C12orf42: variants seen among roughly 807,000 people sequenced by gnomAD.
C12orf42 encodes uncharacterized protein C12orf42.
Under a neutral mutation model 21.6 loss-of-function variants are expected in C12orf42, and 25 were observed. That is an observed-to-expected ratio of 1.16 (90% CI 0.84 to 1.62). The LOEUF is 1.62. Ranked by LOEUF, C12orf42 falls within the 40% of genes most tolerant of loss-of-function variation. C12orf42 has a pLI of 0.00. For missense variants in C12orf42, 483 were observed against 459.3 expected (o/e 1.05, Z -0.47); for synonymous variants, 174 against 175.0 (o/e 0.99, Z 0.05).
intron 2 of C12orf42, among the ~76,000 whole-genome samples, chr12:103,434,786 T>A (rs1443001037): frequency 1.3e-5 from 2 of 152,228 alleles, no homozygotes; most frequent in Non-Finnish European, 2.9e-5. Context: ...AGCACAGCAG[T>A]CTGAGATCAA....
intron 4 of C12orf42, among the ~76,000 whole-genome samples, chr12:103,324,174 G>T (rs1488603067): frequency 1.3e-5 from 2 of 151,950 alleles, no homozygotes; most frequent in Non-Finnish European, 2.9e-5. Context: ...ATCATTTTTA[G>T]ATTTATGTTT....
chr12:103,302,305 T>C lies in C12orf42; in HGVS notation c.886A>G (p.Arg296Gly), dbSNP rs537952948. 1 of 1,613,784 alleles carries C rather than the reference T, an allele frequency of 6.2e-7. No homozygotes were observed. Among genetic ancestry groups the C allele is most frequent in the Non-Finnish European group, 8.5e-7 (1 of 1,179,846 alleles). ...PKHPHTPRDRRPQADTSLHGN... is the reference protein window; with the variant it reads ...PKHPHTPRDRGPQADTSLHGN... ...TGGAGGGAGGTGTCCGCCTGAGGCC[T>C]CCTGTCCCGCGGGGTATGAGGATGC... The change falls in exon 6 of 6, where the codon AGG becomes GGG. Residue 296 changes from arginine to glycine, a missense_variant. By Grantham distance (125) the Arg-to-Gly change is moderately radical. Coordinates refer to ENST00000548883, the MANE Select transcript of C12orf42 (RefSeq NM_198521.5).
chr12:103,178,962 C>T, the C12orf42 span, among the ~76,000 whole-genome samples: 2 of 152,166 alleles, frequency 1.3e-5, no homozygotes, highest in Non-Finnish European at 2.9e-5. Flanking sequence ...GCTGACTTTT[C>T]CAATGAACTG....
chr12:103,454,643 T>C (rs1241590732), intron 2 of C12orf42, among the ~76,000 whole-genome samples: 3 of 152,154 alleles, frequency 2.0e-5, no homozygotes, highest in Non-Finnish European at 4.4e-5. Flanking sequence ...ATTCTATCCC[T>C]AGCCCATTGG....
chr12:103,118,772 T>TAAAAAAAAAAAAAA, the C12orf42 span, among the ~76,000 whole-genome samples: 10 of 41,640 alleles, frequency 2.4e-4, no homozygotes, highest in African/African-American at 7.4e-4. Context: ...CACTCCAGCC[T>TAAAAAAAAAAAAAA]AAAAAAAAAA....
At chr12:103,470,704 T>G (rs1953530559) in intron 2 of C12orf42, among the ~76,000 whole-genome samples, 1 of 152,154 alleles carries the variant, frequency 6.6e-6, no homozygotes, top group Non-Finnish European at 1.5e-5. Context: ...GGAACACTTG[T>G]TCTTGGAGAT....
intron 2 of C12orf42, among the ~76,000 whole-genome samples, chr12:103,442,292 G>A (rs1188793815): frequency 6.6e-6 from 1 of 152,162 alleles, no homozygotes; most frequent in Admixed American, 6.5e-5. Context: ...AAAGCAAGGA[G>A]CGATACGATT....
chr12:103,419,745 C>T (rs193039444), intron 2 of C12orf42, among the ~76,000 whole-genome samples: 19 of 152,302 alleles, frequency 1.2e-4, no homozygotes, highest in Non-Finnish European at 2.5e-4. Flanking sequence ...AGCTCAGAAT[C>T]ACCCTCTAGT....
chr12:103,229,323 G>C, the C12orf42 span, among the ~76,000 whole-genome samples: 1 of 152,166 alleles, frequency 6.6e-6, no homozygotes, highest in Non-Finnish European at 1.5e-5. Flanking sequence ...AGGAAGTCCC[G>C]TGATAGTACA....
At chr12:103,525,432 C>T in the C12orf42 span, among the ~76,000 whole-genome samples, 64 of 152,122 alleles carry the variant, frequency 4.2e-4, 1 homozygote, top group Admixed American at 4.1e-3. Context: ...GATTTGGCTA[C>T]AGGTTGTTTC....
the C12orf42 span, among the ~76,000 whole-genome samples, chr12:103,165,956 C>T: frequency 6.6e-6 from 1 of 151,762 alleles, no homozygotes; most frequent in Admixed American, 6.6e-5. Flanking sequence ...AGGAGAATGG[C>T]GTGAACCCGG....
the C12orf42 span, among the ~76,000 whole-genome samples, chr12:103,115,352 C>A: frequency 4.6e-5 from 7 of 152,252 alleles, no homozygotes; most frequent in South Asian, 4.2e-4. Context: ...TTCTCCACAC[C>A]CCAATTACAG....
chr12:103,511,908 C>T, the C12orf42 span, among the ~76,000 whole-genome samples: 1 of 152,050 alleles, frequency 6.6e-6, no homozygotes, highest in African/African-American at 2.4e-5. Flanking sequence ...ATCAGGGCAG[C>T]CCTATCTTCA....
At chr12:103,086,148 C>G in the C12orf42 span, among the ~76,000 whole-genome samples, 1 of 151,964 alleles carries the variant, frequency 6.6e-6, no homozygotes, top group South Asian at 2.1e-4. Context: ...ATAATTGGAG[C>G]GTTTTTAAGC....
downstream of C12orf42, among the ~76,000 whole-genome samples, chr12:103,265,135 T>G (rs970464410): frequency 1.3e-5 from 2 of 152,142 alleles, no homozygotes; most frequent in African/African-American, 4.8e-5. Context: ...GTCTCTTTTA[T>G]AAGGGCACAA....
At chr12:103,242,338 C>A (rs2033788388) in intron 10 of C12orf42, among the ~76,000 whole-genome samples, 1 of 152,098 alleles carries the variant, frequency 6.6e-6, no homozygotes, top group Non-Finnish European at 1.5e-5. Context: ...TTTTCTCAGA[C>A]TTCAATTCAG....
chr12:103,123,089 C>T, the C12orf42 span, among the ~76,000 whole-genome samples: 1 of 152,186 alleles, frequency 6.6e-6, no homozygotes, highest in Non-Finnish European at 1.5e-5. Flanking sequence ...CTTACAAGAG[C>T]TTCTACAGAA....
chr12:103,550,101 C>T, the C12orf42 span, among the ~76,000 whole-genome samples: 328 of 152,052 alleles, frequency 2.2e-3, 4 homozygotes, highest in African/African-American at 7.7e-3. Context: ...TTGCAAGTAA[C>T]AAAGATAATG....
the C12orf42 span, among the ~76,000 whole-genome samples, chr12:103,050,545 G>A: frequency 6.6e-6 from 1 of 151,908 alleles, no homozygotes; most frequent in African/African-American, 2.4e-5. Flanking sequence ...TTGTGTTCTC[G>A]TGGCTTTATA....
Sources: gnomAD v4.1 joint callset for allele counts (sites outside exome capture counted in the v4.1 genomes callset) on GRCh38, gnomAD v4.1.1 for gene constraint, MANE v1.5 for transcripts, NCBI Gene and HGNC (gene_info 2026-07-23, HGNC 2026-07-21) for gene names.